CDH8: variants seen among roughly 807,000 people sequenced by gnomAD.
The protein encoded by CDH8 is cadherin-8.
In CDH8, 17 loss-of-function variants were observed where a neutral mutation model predicts 68.1. That is an observed-to-expected ratio of 0.25 (90% confidence interval 0.17 to 0.37). The LOEUF is 0.37. CDH8 is among the 10% of genes least tolerant of loss of function. CDH8 has a pLI of 1.00. For synonymous variants in CDH8, 372 were observed against 365.1 expected (o/e 1.02, Z -0.21); for missense variants, 763 against 999.3 (o/e 0.76, Z 3.19).
chr16:61,711,808 G>C (rs1198603905), intron 10 of CDH8, among the ~76,000 whole-genome samples: 1 of 151,586 alleles, frequency 6.6e-6, no homozygotes, highest in Non-Finnish European at 1.5e-5. Flanking sequence ...CTGGTTTATG[G>C]TGTTTTTCAG....
intron 3 of CDH8, among the ~76,000 whole-genome samples, chr16:61,897,889 T>C (rs1963897248): frequency 6.6e-6 from 1 of 152,192 alleles, no homozygotes; most frequent in African/African-American, 2.4e-5. Flanking sequence ...ATGGAGGTGT[T>C]TTTGCTTGCT....
intron 7 of CDH8, among the ~76,000 whole-genome samples, chr16:61,790,252 G>C (rs889281711): frequency 6.6e-6 from 1 of 151,990 alleles, no homozygotes; most frequent in African/African-American, 2.4e-5. Context: ...AGAGCAAACT[G>C]CTTCTCAGGA....
chr16:61,869,232 G>T (rs1414849893), intron 3 of CDH8, among the ~76,000 whole-genome samples: 1 of 152,046 alleles, frequency 6.6e-6, no homozygotes, highest in East Asian at 1.9e-4. Context: ...TACCAATGAT[G>T]AATACCGGTC....
Position 62,021,431 on chromosome 16 carries a change from G to T in CDH8, c.-28C>A. ...TCCCACCAGTTAAGCAAATCACCAC[G>T]AAAATGAGACAATTATTTTTTTTGT... On this transcript the variant is annotated 5_prime_UTR_variant, in exon 2 of 12. Transcript: ENST00000577390. 1 of 1,575,148 alleles carries T rather than the reference G, an allele frequency of 6.3e-7. No homozygotes were observed.
intron 8 of CDH8, among the ~76,000 whole-genome samples, chr16:61,737,942 G>T (rs1959747157): frequency 6.6e-6 from 1 of 152,152 alleles, no homozygotes; most frequent in South Asian, 2.1e-4. Context: ...AGTATAAAGA[G>T]TAGTCACTTT....
rs533149743 is a variant in CDH8, at chr16:61,896,119, A to C, written c.547+5060T>G. ...TATTTAAAATGTCTAGAACTTACTA[A>C]AGGTAGGGACATTTGCATTGAAAAA... On this transcript the variant is annotated intron_variant, in intron 3 of 11. Transcript: ENST00000577390. Among the ~76,000 whole-genome samples, 7 of 152,334 alleles carry C rather than the reference A, an allele frequency of 4.6e-5. No homozygotes were observed. The South Asian group carries it at 1.5e-3, about 32-fold the overall frequency.
chr16:61,762,320 G>A (rs1960491431), intron 8 of CDH8, among the ~76,000 whole-genome samples: 1 of 152,148 alleles, frequency 6.6e-6, no homozygotes, highest in African/African-American at 2.4e-5. Context: ...TTGTAAGATT[G>A]TCACCATTGG....
chr16:61,790,120 G>A (rs1035484500), intron 7 of CDH8, among the ~76,000 whole-genome samples: 1 of 151,782 alleles, frequency 6.6e-6, no homozygotes, highest in Non-Finnish European at 1.5e-5. Flanking sequence ...AGTTAGAATC[G>A]ATATTTTAAC....
chr16:61,698,724 C>G (rs144442893), intron 10 of CDH8, among the ~76,000 whole-genome samples: 2 of 152,152 alleles, frequency 1.3e-5, no homozygotes, highest in Non-Finnish European at 2.9e-5. Context: ...ATCTCCACGA[C>G]CAGGTTTGGC....
chr16:61,858,938 T>C (rs8043917), intron 3 of CDH8, among the ~76,000 whole-genome samples: 150,466 of 152,240 alleles, frequency 0.99, 74,361 homozygotes, highest in Middle Eastern at 1. Context: ...AATCAACATG[T>C]TCAGCAGCAA....
chr16:61,699,853 G>C (rs1483488721), intron 10 of CDH8, among the ~76,000 whole-genome samples: 1 of 152,206 alleles, frequency 6.6e-6, no homozygotes, highest in Non-Finnish European at 1.5e-5. Flanking sequence ...TGGGATTACA[G>C]GCATGAGCCA....
intron 2 of CDH8, among the ~76,000 whole-genome samples, chr16:61,926,152 GGT>G (rs61028306): frequency 0.29 from 41,367 of 141,804 alleles, 5,732 homozygotes; most frequent in Middle Eastern, 0.38. Context: ...ACTCAGAAGG[GGT>G]GTGTGTGTGT....
At chr16:61,768,382 C>CCCTT (rs1960679978) in intron 8 of CDH8, among the ~76,000 whole-genome samples, 22 of 103,788 alleles carry the variant, frequency 2.1e-4, no homozygotes, top group South Asian at 3.2e-4. Flanking sequence ...TTCTCTCTCT[C>CCCTT]TCTCTCTCTC....
intron 8 of CDH8, among the ~76,000 whole-genome samples, chr16:61,778,150 C>T (rs1442932717): frequency 1.3e-5 from 2 of 152,058 alleles, no homozygotes; most frequent in East Asian, 3.9e-4. Context: ...ATCATCTCTT[C>T]TCTTCCATGG....
intron 2 of CDH8, among the ~76,000 whole-genome samples, chr16:61,983,432 G>A (rs1046056841): frequency 1.3e-5 from 2 of 151,978 alleles, no homozygotes; most frequent in African/African-American, 4.8e-5. Flanking sequence ...GACTAAGAAC[G>A]ACATTCTAGG....
At chr16:61,746,274 G>C (rs1960017851) in intron 8 of CDH8, among the ~76,000 whole-genome samples, 1 of 151,892 alleles carries the variant, frequency 6.6e-6, no homozygotes, top group African/African-American at 2.4e-5. Flanking sequence ...TCTAACTTTT[G>C]TCTCCAGAGT....
In CDH8 at chr16:61,653,856, C is replaced by T. The variant is rs1432194130; in HGVS notation, c.2152G>A (p.Gly718Ser). The change falls in exon 12 of 12, where the codon GGT becomes AGT. Residue 718 changes from glycine to serine, a missense_variant. By Grantham distance (56) the Gly-to-Ser change is moderately conservative. Around this residue, in one of 2 missense-constraint regions of CDH8, gnomAD observed 397 missense variants for 436.2 expected, o/e 0.91. Coordinates refer to ENST00000577390, the MANE Select transcript of CDH8 (RefSeq NM_001796.5). ...TTTATAAATTCATCGACATCAACACCATTTGGAACTGGAGCAAGCCCTTGC... is the reference window on the plus strand; with the variant it reads ...TTTATAAATTCATCGACATCAACACTATTTGGAACTGGAGCAAGCCCTTGC... The part of the protein sequence containing the change: ...PRQGLAPVPN[G>S]VDVDEFINVR... 3 of 1,614,106 alleles carry T rather than the reference C, an allele frequency of 1.9e-6. No individual in the cohort carries two copies. The East Asian group carries it at 6.7e-5, about 36-fold the overall frequency.
intron 8 of CDH8, among the ~76,000 whole-genome samples, chr16:61,768,398 T>TCTCTCTCTCTCTCTCTCTCTCCCTCTCTC (rs1960684849): frequency 2.8e-5 from 1 of 35,202 alleles, no homozygotes; most frequent in African/African-American, 1.3e-4. Flanking sequence ...CTCTCTCCCT[T>TCTCTCTCTCTCTCTCTCTCTCCCTCTCTC]TCTCTCTCTC....
chr16:61,697,603 C>T (rs1016819400), intron 10 of CDH8, among the ~76,000 whole-genome samples: 2 of 151,990 alleles, frequency 1.3e-5, no homozygotes, highest in South Asian at 2.1e-4. Flanking sequence ...AAGCAATTCT[C>T]ATGTCTCAAG....
Sources: allele counts gnomAD v4.1 joint callset (sites outside exome capture counted in the v4.1 genomes callset), GRCh38; gene constraint gnomAD v4.1.1; regional missense constraint gnomAD v4.1.1; transcripts MANE v1.5; gene names NCBI Gene and HGNC (gene_info 2026-07-23, HGNC 2026-07-21).